The following SMAD6 variants were observed in gnomAD, a reference collection of about 807,000 sequenced individuals.
The protein encoded by SMAD6 is SMAD family member 6, also known as MAD homolog 6.
Under a neutral mutation model 39.4 loss-of-function variants are expected in SMAD6, and 103 were observed. That is an observed-to-expected ratio of 2.62 (90% CI 2.23 to 3.08). The LOEUF (loss-of-function observed/expected upper bound fraction) is 3.08. Among genes scored for constraint, SMAD6 ranks in the 30% most tolerant of loss-of-function variants. The pLI is 0.00. For missense variants in SMAD6, 1,104 were observed against 742.9 expected (o/e 1.49, Z -5.65); for synonymous variants, 445 against 353.3 (o/e 1.26, Z -2.91).
chr15:66,728,954 C>T (rs566580418), intron 3 of SMAD6, among the ~76,000 whole-genome samples: 2 of 152,220 alleles, frequency 1.3e-5, no homozygotes, highest in African/African-American at 4.8e-5. Context: ...CTGAGCTCTA[C>T]ATTATATGTG....
chr15:66,729,200 C>G (rs1218216306), intron 3 of SMAD6, among the ~76,000 whole-genome samples: 3 of 152,164 alleles, frequency 2.0e-5, no homozygotes, highest in Non-Finnish European at 4.4e-5. Context: ...TCCTGCTACT[C>G]AGACAAAACT....
At chr15:66,736,060 T>C (rs1177782273) in intron 3 of SMAD6, among the ~76,000 whole-genome samples, 1 of 152,154 alleles carries the variant, frequency 6.6e-6, no homozygotes, top group Non-Finnish European at 1.5e-5. Context: ...CTGAGGAGGA[T>C]GGAAGCAAAG....
rs1241989233 is a variant in SMAD6, at chr15:66,703,292, C to T, written c.34C>T (p.Arg12Ter). Residue 12 changes from arginine (R) to a stop codon, truncating the protein, a stop_gained, in exon 1 of 4, where the codon CGA becomes TGA. Transcript: ENST00000288840. LOFTEE classifies it high-confidence loss of function. ...FRSKRSGLVR[R>*]LWRSRVVPDR... ...GTCCAAACGCTCGGGGCTGGTGCGG[C>T]GACTTTGGCGAAGTCGTGTGGTCCC... 1.3e-6 allele frequency: 2 copies of T among 1,489,928 alleles called. No homozygotes were observed. Among genetic ancestry groups the T allele is most frequent in the African/African-American group, 1.5e-5 (1 of 68,416 alleles). The allele number at this position is 1,489,928 out of a possible 1,614,324, so 92.3% of individuals were successfully genotyped here. A position where few individuals can be genotyped will look rare whatever the true frequency, so the allele number is the denominator to read the frequency against.
chr15:66,704,134 C>T, intron 1 of SMAD6, 59 bp downstream of exon 1: 1 of 1,275,460 alleles, frequency 7.8e-7, no homozygotes. Flanking sequence ...CCCTTCCGTG[C>T]CCTTCTCTCT....
intron 3 of SMAD6, among the ~76,000 whole-genome samples, chr15:66,777,279 T>C (rs1894483236): frequency 6.6e-6 from 1 of 152,164 alleles, no homozygotes; most frequent in Non-Finnish European, 1.5e-5. Flanking sequence ...TTCAGTGCCC[T>C]AGGGCCTGAG....
At chr15:66,775,233 G>A (rs767909927) in intron 3 of SMAD6, among the ~76,000 whole-genome samples, 2 of 152,108 alleles carry the variant, frequency 1.3e-5, no homozygotes, top group Admixed American at 6.5e-5. Flanking sequence ...AACACACCGC[G>A]AACCCTGTGT....
At chr15:66,769,054 A>G (rs1894336842) in intron 3 of SMAD6, among the ~76,000 whole-genome samples, 1 of 152,194 alleles carries the variant, frequency 6.6e-6, no homozygotes, top group African/African-American at 2.4e-5. Context: ...CTGGATGGTT[A>G]AGCAAGTTTC....
intron 3 of SMAD6, among the ~76,000 whole-genome samples, chr15:66,771,141 A>G (rs1313077011): frequency 2.6e-5 from 4 of 152,164 alleles, no homozygotes; most frequent in Non-Finnish European, 5.9e-5. Context: ...GGTGGAGGGC[A>G]GGTAGAGGCG....
intron 3 of SMAD6, among the ~76,000 whole-genome samples, chr15:66,749,332 C>T (rs1893959793): frequency 1.3e-5 from 2 of 152,106 alleles, no homozygotes; most frequent in Admixed American, 1.3e-4. Flanking sequence ...GTGGTGGGTG[C>T]CTGTAATCCT....
chr15:66,763,040 A>G (rs1190518511), intron 3 of SMAD6, among the ~76,000 whole-genome samples: 1 of 151,762 alleles, frequency 6.6e-6, no homozygotes, highest in Non-Finnish European at 1.5e-5. Context: ...CGCAGTGGGT[A>G]CAGTCAGGGT....
At chr15:66,709,426 A>G (rs1222019339) in intron 1 of SMAD6, among the ~76,000 whole-genome samples, 1 of 152,160 alleles carries the variant, frequency 6.6e-6, no homozygotes, top group Non-Finnish European at 1.5e-5. Flanking sequence ...TCCAGGTGGG[A>G]CTTCATGAGC....
intron 3 of SMAD6, among the ~76,000 whole-genome samples, chr15:66,760,672 C>T (rs1044247096): frequency 6.6e-6 from 1 of 152,162 alleles, no homozygotes; most frequent in Non-Finnish European, 1.5e-5. Flanking sequence ...ATTCCAAATC[C>T]CACAGGGAGG....
At chr15:66,734,358 T>C (rs2140628593) in intron 3 of SMAD6, among the ~76,000 whole-genome samples, 1 of 152,308 alleles carries the variant, frequency 6.6e-6, no homozygotes, top group East Asian at 1.9e-4. Flanking sequence ...CTCATTCCAT[T>C]CGCCCTGCCT....
At chr15:66,725,053 C>T (rs770179266) in intron 3 of SMAD6, among the ~76,000 whole-genome samples, 2 of 152,190 alleles carry the variant, frequency 1.3e-5, no homozygotes, top group Non-Finnish European at 2.9e-5. Flanking sequence ...TTTCCCTGGG[C>T]GTCTGTAACA....
intron 3 of SMAD6, among the ~76,000 whole-genome samples, chr15:66,761,684 C>T (rs1894202231): frequency 6.6e-6 from 1 of 152,190 alleles, no homozygotes. Flanking sequence ...GTGATCTCTG[C>T]TCTCTGGGCC....
At chr15:66,724,024 A>C (rs1893479816) in intron 3 of SMAD6, among the ~76,000 whole-genome samples, 1 of 152,240 alleles carries the variant, frequency 6.6e-6, no homozygotes, top group Non-Finnish European at 1.5e-5. Context: ...CCTTTCAAGT[A>C]GGAGGAACAG....
chr15:66,722,135 A>G (rs994869288), intron 3 of SMAD6, among the ~76,000 whole-genome samples: 2 of 152,194 alleles, frequency 1.3e-5, no homozygotes, highest in African/African-American at 2.4e-5. Context: ...CTTCTATCCA[A>G]ACATGCCGAG....
At chr15:66,739,125 C>T (rs1167980557) in intron 3 of SMAD6, among the ~76,000 whole-genome samples, 3 of 146,034 alleles carry the variant, frequency 2.1e-5, no homozygotes, top group Non-Finnish European at 3.0e-5. Flanking sequence ...GAGTCTTGCC[C>T]TGTCACCCAG....
At chr15:66,705,615 C>T (rs1188534230) in intron 1 of SMAD6, 1 of 151,986 alleles carries the variant, frequency 6.6e-6, no homozygotes, top group Non-Finnish European at 1.5e-5. Context: ...AAGCCCCTGG[C>T]AGGTGTATTC....
Sources: gnomAD v4.1 joint callset for allele counts (sites outside exome capture counted in the v4.1 genomes callset) on GRCh38, gnomAD v4.1.1 for gene constraint, MANE v1.5 for transcripts, NCBI Gene and HGNC (gene_info 2026-07-23, HGNC 2026-07-21) for gene names.